PLD5: variants seen among roughly 807,000 people sequenced by gnomAD.
PLD5 encodes the protein phospholipase D family member 5, also known as inactive phospholipase D5.
PLD5 carries 36 observed loss-of-function variants against 61.1 expected under a neutral mutation model. That is an observed-to-expected ratio of 0.59 (90% CI 0.45 to 0.78). The LOEUF (loss-of-function observed/expected upper bound fraction) is 0.78, where lower values mean the gene tolerates loss of function less well. PLD5 is among the 30% of genes least tolerant of loss of function. The probability of loss-of-function intolerance (pLI) is 0.00; values close to 1 mark genes in which losing one functional copy is unlikely to be tolerated. For missense variants in PLD5, 515 were observed against 644.4 expected, an observed-to-expected ratio of 0.80 and a Z score of 2.17; for synonymous variants, 243 against 242.8, an observed-to-expected ratio of 1.00 and a Z score of -0.01.
intron 1 of PLD5, among the ~76,000 whole-genome samples, chr1:242,376,404 AG>A (rs1462911320): frequency 1.3e-5 from 2 of 152,220 alleles, no homozygotes; most frequent in Non-Finnish European, 2.9e-5. Context: ...AGGCACATCG[AG>A]GAAGTGCTGA....
intron 5 of PLD5, among the ~76,000 whole-genome samples, chr1:242,164,551 G>A (rs1666160598): frequency 6.6e-6 from 1 of 152,158 alleles, no homozygotes; most frequent in African/African-American, 2.4e-5. Context: ...AAAAGGAAAG[G>A]TTTTGAAATG....
At position 242,208,416 on chromosome 1, in the gene PLD5, C is replaced by T. The variant is rs113534476; in HGVS notation, c.735+11572G>A. ...ACACAGGCTCTGAGAAATTCCATGA[C>T]GAAGAAACCCATTTAAATTAAACCC... On this transcript the variant is annotated intron_variant, in intron 5 of 9. Coordinates refer to ENST00000536534, the MANE Select transcript of PLD5 (RefSeq NM_001372062.1). Among the ~76,000 whole-genome samples, 331 of 152,176 alleles carry T rather than the reference C, an allele frequency of 2.2e-3. 1 individual carries two copies. Among genetic ancestry groups the T allele is most frequent in the African/African-American group, 7.1e-3 (295 of 41,514 alleles).
chr1:242,169,639 G>A (rs1278162368), intron 5 of PLD5, among the ~76,000 whole-genome samples: 1 of 152,128 alleles, frequency 6.6e-6, no homozygotes, highest in Non-Finnish European at 1.5e-5. Context: ...TGGTTCAGTG[G>A]GTCCTAACCC....
chr1:242,094,017 C>T (rs988770392), intron 9 of PLD5, among the ~76,000 whole-genome samples: 1 of 152,044 alleles, frequency 6.6e-6, no homozygotes, highest in African/African-American at 2.4e-5. Context: ...ATTCCTGCAC[C>T]TTTGTGATCA....
At chr1:242,242,004 T>TAGAC (rs1377532947) in intron 4 of PLD5, among the ~76,000 whole-genome samples, 3,716 of 132,700 alleles carry the variant, frequency 0.028, 154 homozygotes, top group East Asian at 0.088. Flanking sequence ...TATATATATA[T>TAGAC]ATATATAGAC....
intron 4 of PLD5, among the ~76,000 whole-genome samples, chr1:242,263,080 A>G (rs78347638): frequency 0.2 from 30,549 of 151,934 alleles, 3,941 homozygotes; most frequent in East Asian, 0.54. Context: ...AAGGAACAGG[A>G]ATGACCTGCA....
At chr1:242,380,403 C>T (rs1662208344) in intron 1 of PLD5, among the ~76,000 whole-genome samples, 1 of 152,158 alleles carries the variant, frequency 6.6e-6, no homozygotes, top group African/African-American at 2.4e-5. Context: ...ACCCTAGAAA[C>T]AGTCTTCCCT....
chr1:242,444,689 T>TA (rs1166302988), intron 1 of PLD5, among the ~76,000 whole-genome samples: 2 of 138,082 alleles, frequency 1.4e-5, no homozygotes, highest in African/African-American at 5.1e-5. Flanking sequence ...TAAATATTTA[T>TA]ATTATATAAA....
chr1:242,413,028 A>C (rs995115), intron 1 of PLD5, among the ~76,000 whole-genome samples: 66,970 of 151,872 alleles, frequency 0.44, 16,316 homozygotes, highest in African/African-American at 0.66. Context: ...GTGATTTCTC[A>C]CTGGGGTTTC....
At chr1:242,228,998 C>T (rs1462239817) in intron 4 of PLD5, among the ~76,000 whole-genome samples, 1 of 152,172 alleles carries the variant, frequency 6.6e-6, no homozygotes, top group Non-Finnish European at 1.5e-5. Flanking sequence ...TTTCTGCATA[C>T]ATAATTTTTG....
At chr1:242,232,208 A>T (rs1671352682) in intron 4 of PLD5, among the ~76,000 whole-genome samples, 1 of 152,196 alleles carries the variant, frequency 6.6e-6, no homozygotes, top group Non-Finnish European at 1.5e-5. Context: ...ATGAAAAGAG[A>T]TTTTAAACAC....
intron 5 of PLD5, among the ~76,000 whole-genome samples, chr1:242,152,393 A>G (rs1664997844): frequency 1.3e-5 from 2 of 152,096 alleles, no homozygotes; most frequent in African/African-American, 2.4e-5. Flanking sequence ...TCTGGGATAC[A>G]TGTACAGAAT....
intron 4 of PLD5, among the ~76,000 whole-genome samples, chr1:242,233,052 G>T (rs948352943): frequency 6.6e-6 from 1 of 152,108 alleles, no homozygotes; most frequent in Non-Finnish European, 1.5e-5. Context: ...TACTTGGGAG[G>T]CTGAGGCAGA....
At chr1:242,286,578 G>C (rs1324213320) in intron 3 of PLD5, among the ~76,000 whole-genome samples, 1 of 152,066 alleles carries the variant, frequency 6.6e-6, no homozygotes, top group East Asian at 1.9e-4. Flanking sequence ...ATATCTCCTA[G>C]TGACTCCCCT....
intron 1 of PLD5, among the ~76,000 whole-genome samples, chr1:242,431,216 A>G (rs1241567544): frequency 2.0e-5 from 3 of 152,216 alleles, no homozygotes; most frequent in Non-Finnish European, 4.4e-5. Flanking sequence ...GCATTGAACA[A>G]TAATTCTCCA....
At chr1:242,236,593 T>G (rs1159408217) in intron 4 of PLD5, among the ~76,000 whole-genome samples, 1 of 152,120 alleles carries the variant, frequency 6.6e-6, no homozygotes, top group Non-Finnish European at 1.5e-5. Context: ...GCCAATAAAA[T>G]TTAAATACTA....
At chr1:242,300,439 G>A (rs1675960163) in intron 2 of PLD5, among the ~76,000 whole-genome samples, 1 of 108,732 alleles carries the variant, frequency 9.2e-6, no homozygotes, top group Non-Finnish European at 1.9e-5. Context: ...GGCGGGAGAG[G>A]AGGAGGAGGA....
intron 2 of PLD5, among the ~76,000 whole-genome samples, chr1:242,316,445 T>G (rs1283686833): frequency 6.6e-6 from 1 of 152,184 alleles, no homozygotes; most frequent in East Asian, 1.9e-4. Context: ...ACAGGTCTCC[T>G]GAACTGGGGA....
chr1:242,280,962 A>G (rs1574659361), intron 3 of PLD5, among the ~76,000 whole-genome samples: 1 of 152,262 alleles, frequency 6.6e-6, no homozygotes, highest in South Asian at 2.1e-4. Flanking sequence ...CTTGCCTAGG[A>G]TTGTAGGGAT....
Sources: allele counts gnomAD v4.1 joint callset (sites outside exome capture counted in the v4.1 genomes callset), GRCh38; gene constraint gnomAD v4.1.1; transcripts MANE v1.5; gene names NCBI Gene and HGNC (gene_info 2026-07-23, HGNC 2026-07-21).